The following OR2L13 variants were observed in gnomAD, a reference collection of about 807,000 sequenced individuals.
The protein encoded by OR2L13 is olfactory receptor family 2 subfamily L member 13, also known as olfactory receptor 2L13.
In OR2L13, 14 loss-of-function variants were observed where a neutral mutation model predicts 15.3. The observed-to-expected ratio is 0.91, with a 90% CI of 0.60 to 1.43. The LOEUF (loss-of-function observed/expected upper bound fraction) is 1.43. OR2L13 is among the 40% of genes most tolerant of loss of function. OR2L13 has a pLI of 0.00. For synonymous variants in OR2L13, 152 were observed against 142.9 expected (o/e 1.06, Z -0.45); for missense variants, 367 against 387.9 (o/e 0.95, Z 0.45).
At chr1:248,069,539 A>G in the OR2L13 span, among the ~76,000 whole-genome samples, 2 of 152,338 alleles carry the variant, frequency 1.3e-5, no homozygotes, top group Non-Finnish European at 2.9e-5. Context: ...TGTAAAGACC[A>G]TCGATGCTAG....
At chr1:247,965,941 T>C in the OR2L13 span, 1 of 1,609,336 alleles carries the variant, frequency 6.2e-7, no homozygotes. Context: ...ATCATTGGTG[T>C]GTCAGGACAC....
At chr1:248,100,074 A>G (rs940513039) in exon 3 of OR2L13, 2 of 1,613,474 alleles carry the variant, frequency 1.2e-6, no homozygotes, top group African/African-American at 1.3e-5. Flanking sequence ...AGGAGGGGAG[A>G]AAAAAGGCCT....
At chr1:248,086,553 G>T in the OR2L13 span, among the ~76,000 whole-genome samples, 1 of 152,012 alleles carries the variant, frequency 6.6e-6, no homozygotes, top group Non-Finnish European at 1.5e-5. Flanking sequence ...GGTATACGGA[G>T]GTATTGCAGC....
upstream of OR2L13, among the ~76,000 whole-genome samples, chr1:248,096,203 C>T (rs1392738215): frequency 6.6e-6 from 1 of 151,592 alleles, no homozygotes; most frequent in African/African-American, 2.4e-5. Flanking sequence ...ACAGTGAAAC[C>T]CGGTCTCTAC....
At chr1:247,960,379 C>T in the OR2L13 span, among the ~76,000 whole-genome samples, 1 of 152,210 alleles carries the variant, frequency 6.6e-6, no homozygotes, top group Non-Finnish European at 1.5e-5. Flanking sequence ...TTAGGCTACT[C>T]AGGGGTCAGG....
the OR2L13 span, among the ~76,000 whole-genome samples, chr1:248,076,621 G>C: frequency 0.09 from 13,693 of 152,156 alleles, 831 homozygotes; most frequent in African/African-American, 0.17. Flanking sequence ...GTGAATGGGA[G>C]TTCACTCATG....
chr1:247,990,680 G>A, the OR2L13 span: 1 of 1,530,644 alleles, frequency 6.5e-7, no homozygotes. Context: ...ATGAGAAAAA[G>A]AGTGTGTGCA....
chr1:247,942,489 T>C, the OR2L13 span, among the ~76,000 whole-genome samples: 2 of 152,242 alleles, frequency 1.3e-5, no homozygotes, highest in African/African-American at 4.8e-5. Context: ...AAACTAGTAA[T>C]ATAAATTATA....
At chr1:248,054,142 T>TAAGGAAGGA in the OR2L13 span, among the ~76,000 whole-genome samples, 5 of 152,186 alleles carry the variant, frequency 3.3e-5, 1 homozygote, top group South Asian at 6.2e-4. Context: ...GTGTAAGGTG[T>TAAGGAAGGA]AAGGAAGGAA....
chr1:247,955,705 A>G, the OR2L13 span, among the ~76,000 whole-genome samples: 1 of 46,290 alleles, frequency 2.2e-5, no homozygotes. Flanking sequence ...GCCAGTGATG[A>G]TGAGCATTTT....
At chr1:248,086,025 TA>T in the OR2L13 span, among the ~76,000 whole-genome samples, 22,447 of 151,672 alleles carry the variant, frequency 0.15, 3,136 homozygotes, top group African/African-American at 0.37. Context: ...AAAAGATTAC[TA>T]AAAAAAAATT....
chr1:248,100,090 A>G, exon 3 of OR2L13: 1 of 1,614,022 alleles, frequency 6.2e-7, no homozygotes, highest in Non-Finnish European at 8.5e-7. Context: ...GGCCTTCACC[A>G]CCATTTCAAC....
chr1:248,073,808 A>G, the OR2L13 span, among the ~76,000 whole-genome samples: 6,204 of 151,974 alleles, frequency 0.041, 420 homozygotes, highest in African/African-American at 0.14. Flanking sequence ...GTTTTGACTA[A>G]AACATTATAC....
At chr1:248,035,233 G>A in the OR2L13 span, among the ~76,000 whole-genome samples, 1 of 151,912 alleles carries the variant, frequency 6.6e-6, no homozygotes, top group Non-Finnish European at 1.5e-5. Flanking sequence ...GGCGGATCAC[G>A]AGGTCAGGAG....
chr1:248,048,763 G>A, the OR2L13 span, among the ~76,000 whole-genome samples: 2 of 151,994 alleles, frequency 1.3e-5, no homozygotes, highest in African/African-American at 4.8e-5. Context: ...TTTAGATATC[G>A]CTTCAGAAGA....
chr1:248,022,750 C>A, the OR2L13 span: 1 of 1,614,120 alleles, frequency 6.2e-7, no homozygotes, highest in Non-Finnish European at 8.5e-7. Context: ...CGATCTCTGA[C>A]AGAGGACAAG....
the OR2L13 span, among the ~76,000 whole-genome samples, chr1:248,037,482 A>G: frequency 1.3e-5 from 2 of 152,200 alleles, no homozygotes; most frequent in Non-Finnish European, 2.9e-5. Flanking sequence ...GTTGGGCATC[A>G]AACATTCATA....
chr1:248,024,888 G>A, the OR2L13 span, among the ~76,000 whole-genome samples: 259 of 152,138 alleles, frequency 1.7e-3, no homozygotes, highest in African/African-American at 5.7e-3. Flanking sequence ...TTGGCGATGC[G>A]GGCTCTTTTT....
chr1:248,010,763 G>GTTGT, the OR2L13 span, among the ~76,000 whole-genome samples: 2 of 44,462 alleles, frequency 4.5e-5, no homozygotes, highest in Non-Finnish European at 7.3e-5. Context: ...CTTTGTTGTT[G>GTTGT]TTTTTTTTTT....
Sources: gnomAD v4.1 joint callset for allele counts (sites outside exome capture counted in the v4.1 genomes callset) on GRCh38, gnomAD v4.1.1 for gene constraint, MANE v1.5 for transcripts, NCBI Gene and HGNC (gene_info 2026-07-23, HGNC 2026-07-21) for gene names.